Variants in MAGI1 observed in about 807,000 individuals in gnomAD.
The protein encoded by MAGI1 is membrane-associated guanylate kinase, WW and PDZ domain-containing protein 1.
A neutral mutation model predicts 139.9 loss-of-function variants in MAGI1; 58 were observed. The observed-to-expected ratio is 0.41, with a 90% CI of 0.34 to 0.52. The LOEUF (loss-of-function observed/expected upper bound fraction) is 0.52, where lower values mean the gene tolerates loss of function less well. MAGI1 is among the 20% of genes least tolerant of loss of function. The probability of loss-of-function intolerance (pLI) is 0.12; values close to 1 mark genes in which losing one functional copy is unlikely to be tolerated. For synonymous variants in MAGI1, 812 were observed against 737.9 expected, an observed-to-expected ratio of 1.10 and a Z score of -1.63; for missense variants, 1,874 against 1,901.6, an observed-to-expected ratio of 0.99 and a Z score of 0.27.
At chr3:65,451,024 A>G (rs1021969092) in intron 6 of MAGI1, among the ~76,000 whole-genome samples, 1 of 152,218 alleles carries the variant, frequency 6.6e-6, no homozygotes, top group Non-Finnish European at 1.5e-5. Context: ...TCTACTAGAA[A>G]CAGAATATAT....
intron 12 of MAGI1, among the ~76,000 whole-genome samples, chr3:65,423,677 C>A (rs1433148639): frequency 6.6e-6 from 1 of 152,208 alleles, no homozygotes; most frequent in Non-Finnish European, 1.5e-5. Context: ...TTCCTAGGTT[C>A]CAATCCTAGC....
At chr3:65,541,745 A>T (rs1414604742) in intron 2 of MAGI1, among the ~76,000 whole-genome samples, 1 of 152,206 alleles carries the variant, frequency 6.6e-6, no homozygotes, top group Non-Finnish European at 1.5e-5. Flanking sequence ...AATTCTCAAA[A>T]AACTAGGTAC....
chr3:65,561,119 T>C (rs62253363), intron 2 of MAGI1, among the ~76,000 whole-genome samples: 56,975 of 151,978 alleles, frequency 0.37, 12,133 homozygotes, highest in East Asian at 0.66. Flanking sequence ...CAAGACTTTG[T>C]ACCTCCAGGT....
At chr3:65,569,768 T>C (rs1337179721) in intron 2 of MAGI1, among the ~76,000 whole-genome samples, 1 of 151,904 alleles carries the variant, frequency 6.6e-6, no homozygotes, top group Non-Finnish European at 1.5e-5. Flanking sequence ...TCCCTTCTAC[T>C]TGGGGGGCTG....
chr3:65,924,897 T>C (rs1238208582), intron 1 of MAGI1: 1 of 152,232 alleles, frequency 6.6e-6, no homozygotes, highest in Non-Finnish European at 1.5e-5. Flanking sequence ...TTTTCTTTTG[T>C]AGAGCATTTG....
intron 1 of MAGI1, among the ~76,000 whole-genome samples, chr3:65,752,601 C>T (rs1228569125): frequency 6.6e-6 from 1 of 152,180 alleles, no homozygotes; most frequent in East Asian, 1.9e-4. Context: ...GTCATGCAGG[C>T]ATGTATTTTT....
At chr3:65,907,342 T>G (rs1054549096) in intron 1 of MAGI1, among the ~76,000 whole-genome samples, 2 of 152,218 alleles carry the variant, frequency 1.3e-5, no homozygotes, top group Admixed American at 1.3e-4. Context: ...TGAGACCTGG[T>G]AAGGCTGAGT....
intron 1 of MAGI1, among the ~76,000 whole-genome samples, chr3:65,866,174 CTG>C (rs1256570077): frequency 6.6e-6 from 1 of 150,554 alleles, no homozygotes; most frequent in Non-Finnish European, 1.5e-5. Flanking sequence ...TAAAGAATAA[CTG>C]TGGCTGGGGG....
chr3:65,729,493 TTTGG>T (rs796250706), intron 1 of MAGI1, among the ~76,000 whole-genome samples: 3 of 152,290 alleles, frequency 2.0e-5, no homozygotes, highest in East Asian at 3.9e-4. Flanking sequence ...TCATTTAAGA[TTTGG>T]TTTTATCTGA....
intron 3 of MAGI1, among the ~76,000 whole-genome samples, chr3:65,488,105 G>A (rs1951742885): frequency 6.6e-6 from 1 of 152,070 alleles, no homozygotes; most frequent in South Asian, 2.1e-4. Context: ...CTTTCTAGAA[G>A]CCATCCTTCT....
chr3:65,391,985 T>C (rs1172947487), intron 13 of MAGI1, among the ~76,000 whole-genome samples: 1 of 152,210 alleles, frequency 6.6e-6, no homozygotes, highest in South Asian at 2.1e-4. Flanking sequence ...GCTAATCAAT[T>C]TGGCAAGCAT....
chr3:65,379,235 T>C (rs539142429), intron 17 of MAGI1, 26 bp downstream of exon 17: 53 of 1,608,832 alleles, frequency 3.3e-5, no homozygotes, highest in Non-Finnish European at 4.2e-5. Context: ...TGGGAAACCC[T>C]GGGTAATTTC....
intron 2 of MAGI1, among the ~76,000 whole-genome samples, chr3:65,578,388 T>C (rs922677863): frequency 6.6e-6 from 1 of 152,008 alleles, no homozygotes; most frequent in Non-Finnish European, 1.5e-5. Context: ...GGGTGAAAAA[T>C]CAACCAGCTA....
At chr3:65,362,521 T>C (rs558019060) in intron 21 of MAGI1, among the ~76,000 whole-genome samples, 73 of 152,330 alleles carry the variant, frequency 4.8e-4, no homozygotes, top group African/African-American at 1.7e-3. Context: ...CTGGACACTG[T>C]ATTTTTACTA....
intron 13 of MAGI1, among the ~76,000 whole-genome samples, chr3:65,393,460 A>G (rs1944101781): frequency 1.3e-5 from 2 of 152,268 alleles, no homozygotes; most frequent in African/African-American, 4.8e-5. Flanking sequence ...ACTTTTTATA[A>G]TCAAGACAAA....
chr3:65,528,007 A>G (rs1424869549), intron 2 of MAGI1, among the ~76,000 whole-genome samples: 1 of 152,196 alleles, frequency 6.6e-6, no homozygotes, highest in Non-Finnish European at 1.5e-5. Flanking sequence ...ATCTTCACAT[A>G]AAACAAAGGC....
At chr3:65,460,984 T>C (rs1317149662) in intron 5 of MAGI1, among the ~76,000 whole-genome samples, 1 of 152,160 alleles carries the variant, frequency 6.6e-6, no homozygotes, top group Non-Finnish European at 1.5e-5. Context: ...GTCTTTGCTA[T>C]TGTGAATAGG....
At chr3:66,001,834 G>A (rs2066755617) in intron 1 of MAGI1, among the ~76,000 whole-genome samples, 1 of 152,190 alleles carries the variant, frequency 6.6e-6, no homozygotes, top group South Asian at 2.1e-4. Context: ...CTTGTCCACA[G>A]GCCAAGCTGT....
At chr3:65,693,719 T>TTGTTTG (rs2088888502) in intron 1 of MAGI1, among the ~76,000 whole-genome samples, 1 of 151,814 alleles carries the variant, frequency 6.6e-6, no homozygotes, top group South Asian at 2.1e-4. Flanking sequence ...GTTTTTGTTT[T>TTGTTTG]TTGTTGTTGT....
Sources: gnomAD v4.1 joint callset for allele counts (sites outside exome capture counted in the v4.1 genomes callset) on GRCh38, gnomAD v4.1.1 for gene constraint, MANE v1.5 for transcripts, NCBI Gene and HGNC (gene_info 2026-07-23, HGNC 2026-07-21) for gene names.